The following FSTL4 variants were observed in gnomAD, a reference collection of about 807,000 sequenced individuals.
FSTL4 encodes the protein follistatin-related protein 4.
FSTL4 carries 28 observed loss-of-function variants against 78.2 expected under a neutral mutation model. The ratio of observed to expected loss-of-function variants is 0.36; its 90% confidence interval spans 0.27 to 0.49. The LOEUF (loss-of-function observed/expected upper bound fraction) is 0.49. Ranked by LOEUF, FSTL4 falls within the 20% of genes least tolerant of loss-of-function variation. FSTL4 has a pLI of 0.98. For missense variants in FSTL4, 922 were observed against 1,084.9 expected (o/e 0.85, Z 2.11); for synonymous variants, 422 against 440.5 (o/e 0.96, Z 0.53).
chr5:133,486,695 T>C (rs1053978677), intron 3 of FSTL4, among the ~76,000 whole-genome samples: 2 of 152,150 alleles, frequency 1.3e-5, no homozygotes, highest in Non-Finnish European at 1.5e-5. Context: ...CTCTTCACCC[T>C]GCCAAACCCC....
At chr5:133,503,632 G>A (rs1027372015) in intron 3 of FSTL4, among the ~76,000 whole-genome samples, 1 of 152,164 alleles carries the variant, frequency 6.6e-6, no homozygotes, top group Non-Finnish European at 1.5e-5. Flanking sequence ...TCTTGCCCCA[G>A]ACAATTTTAG....
chr5:133,832,092 G>A, the FSTL4 span, among the ~76,000 whole-genome samples: 1 of 152,154 alleles, frequency 6.6e-6, no homozygotes, highest in African/African-American at 2.4e-5. Context: ...TAGCACTTGC[G>A]GACTTAACTG....
chr5:133,769,528 G>A, the FSTL4 span, among the ~76,000 whole-genome samples: 4 of 152,144 alleles, frequency 2.6e-5, no homozygotes, highest in African/African-American at 9.7e-5. Context: ...GTCCCATAAA[G>A]CTACTCTGGT....
At chr5:133,798,967 A>AG in the FSTL4 span, among the ~76,000 whole-genome samples, 85 of 82,548 alleles carry the variant, frequency 1.0e-3, no homozygotes, top group African/African-American at 4.3e-3. Context: ...GGAGGGAGGG[A>AG]GGAAGGGAGG....
At chr5:133,680,547 G>A in the FSTL4 span, among the ~76,000 whole-genome samples, 5 of 152,140 alleles carry the variant, frequency 3.3e-5, no homozygotes, top group Non-Finnish European at 7.4e-5. Flanking sequence ...TTTACCCTCT[G>A]ATCTCCTCTT....
chr5:133,612,791 C>T (rs1415167900), upstream of FSTL4, among the ~76,000 whole-genome samples: 1 of 152,102 alleles, frequency 6.6e-6, no homozygotes, highest in African/African-American at 2.4e-5. The surrounding 1 kb of genome is among the most constrained non-coding windows in gnomAD (Gnocchi z 6.2). Context: ...GTGACAGCCC[C>T]TCTTCACCTC....
At chr5:133,358,988 G>A (rs1198580646) in intron 4 of FSTL4, among the ~76,000 whole-genome samples, 1 of 152,164 alleles carries the variant, frequency 6.6e-6, no homozygotes, top group East Asian at 1.9e-4. Context: ...ATTCAGGTCT[G>A]GTTACCCATG....
At chr5:133,548,098 C>T (rs1759619334) in intron 3 of FSTL4, among the ~76,000 whole-genome samples, 1 of 152,154 alleles carries the variant, frequency 6.6e-6, no homozygotes, top group African/African-American at 2.4e-5. Context: ...CCAGACCTTG[C>T]TCTATGTATT....
chr5:133,667,863 T>G, the FSTL4 span, among the ~76,000 whole-genome samples: 324 of 152,402 alleles, frequency 2.1e-3, 3 homozygotes, highest in African/African-American at 7.5e-3. Flanking sequence ...TTTTATCCAC[T>G]GTGATGTCCA....
At chr5:133,312,181 C>G (rs896389943) in intron 6 of FSTL4, among the ~76,000 whole-genome samples, 6 of 152,306 alleles carry the variant, frequency 3.9e-5, no homozygotes, top group African/African-American at 1.2e-4. Context: ...TGCCTCTCTT[C>G]ACATTGGACC....
intron 3 of FSTL4, among the ~76,000 whole-genome samples, chr5:133,563,456 T>G (rs1179388028): frequency 6.6e-6 from 1 of 152,136 alleles, no homozygotes; most frequent in Non-Finnish European, 1.5e-5. Context: ...AAAATTAACA[T>G]GAAAAGGAAG....
intron 3 of FSTL4, among the ~76,000 whole-genome samples, chr5:133,541,653 A>T (rs1365598866): frequency 6.6e-6 from 1 of 152,124 alleles, no homozygotes; most frequent in Non-Finnish European, 1.5e-5. Flanking sequence ...TTTTCTTTTT[A>T]AAGCTCAAAT....
At chr5:133,489,530 G>C (rs916010003) in intron 3 of FSTL4, among the ~76,000 whole-genome samples, 1 of 152,062 alleles carries the variant, frequency 6.6e-6, no homozygotes, top group South Asian at 2.1e-4. Flanking sequence ...AGCAGATATC[G>C]CCTGTAACAT....
At chr5:133,292,784 T>A (rs972578065) in intron 6 of FSTL4, among the ~76,000 whole-genome samples, 2 of 152,120 alleles carry the variant, frequency 1.3e-5, no homozygotes, top group African/African-American at 4.8e-5. Context: ...ACTGACTCTT[T>A]ACAGCAACTC....
chr5:133,706,159 T>G, the FSTL4 span, among the ~76,000 whole-genome samples: 1 of 152,208 alleles, frequency 6.6e-6, no homozygotes, highest in Admixed American at 6.5e-5. Flanking sequence ...ATGCACTATT[T>G]AATCTCTCCA....
the FSTL4 span, among the ~76,000 whole-genome samples, chr5:133,729,106 G>T: frequency 1.3e-5 from 2 of 152,094 alleles, no homozygotes; most frequent in Admixed American, 6.6e-5. Context: ...TCTGGAATTA[G>T]GTGGGGAAAG....
chr5:133,457,443 C>T (rs575455724), intron 3 of FSTL4, among the ~76,000 whole-genome samples: 88 of 152,210 alleles, frequency 5.8e-4, no homozygotes, highest in Non-Finnish European at 1.1e-3. Context: ...CCTTTCCCCG[C>T]ACAAACAAAA....
intron 12 of FSTL4, among the ~76,000 whole-genome samples, chr5:133,220,257 C>T (rs1380777471): frequency 6.6e-6 from 1 of 152,264 alleles, no homozygotes; most frequent in Admixed American, 6.5e-5. Context: ...AAGTGGGAAA[C>T]AAGCCAGAGG....
Position 133,539,432 on chromosome 5 carries a change from G to A in FSTL4, c.160+27754C>T, listed in dbSNP as rs561315121. 3.4e-3 allele frequency among the ~76,000 whole-genome samples: 523 copies of A among 152,162 alleles called. 3 individuals carry two copies. The highest frequency in any genetic ancestry group is 0.012 in the African/African-American group (487 of 41,480). ...TGAGGTTCCTAGGATTCAGCTCCTC[G>A]CACACCATTCCTCTGAATCTGAAGA... On this transcript the variant is annotated intron_variant, in intron 3 of 15. Coordinates refer to ENST00000265342, the MANE Select transcript of FSTL4 (RefSeq NM_015082.2).
Sources: allele counts gnomAD v4.1 joint callset (sites outside exome capture counted in the v4.1 genomes callset), GRCh38; gene constraint gnomAD v4.1.1; non-coding constraint Gnocchi (gnomAD v3.1); transcripts MANE v1.5; gene names NCBI Gene and HGNC (gene_info 2026-07-23, HGNC 2026-07-21).